The following SH3TC1 variants were observed in gnomAD, a reference collection of about 807,000 sequenced individuals.
SH3TC1 encodes the protein SH3 domain and tetratricopeptide repeats 1, also known as SH3 domain and tetratricopeptide repeat-containing protein 1.
A neutral mutation model predicts 117.3 loss-of-function variants in SH3TC1; 135 were observed. The ratio of observed to expected loss-of-function variants is 1.15; its 90% CI spans 1.00 to 1.33. SH3TC1 has a LOEUF of 1.33. Among genes scored for constraint, SH3TC1 ranks in the 40% most tolerant of loss-of-function variants. The pLI, the probability that SH3TC1 is intolerant of heterozygous loss-of-function variation, is 0.00. For synonymous variants in SH3TC1, 898 were observed against 816.9 expected, an observed-to-expected ratio of 1.10 and a Z score of -1.69; for missense variants, 2,092 against 1,794.3, an observed-to-expected ratio of 1.17 and a Z score of -3.00.
intron 15 of SH3TC1, 29 bp downstream of exon 15, chr4:8,235,584 G>T: frequency 6.5e-7 from 1 of 1,545,848 alleles, no homozygotes; most frequent in South Asian, 1.2e-5. Flanking sequence ...TGATGTGGGT[G>T]GGCCCCAGGG....
chr4:8,197,645 C>T (rs71603915), upstream of SH3TC1, among the ~76,000 whole-genome samples: 4,347 of 152,242 alleles, frequency 0.029, 219 homozygotes, highest in African/African-American at 0.099. Flanking sequence ...CTGGCCAGGC[C>T]GGGCCGGGGA....
At chr4:8,224,483 T>C (rs1249091248) in intron 10 of SH3TC1, 1 of 152,352 alleles carries the variant, frequency 6.6e-6, no homozygotes, top group Non-Finnish European at 1.5e-5. Context: ...GTGGGGGTGT[T>C]GCAGGATGCA....
intron 1 of SH3TC1, among the ~76,000 whole-genome samples, chr4:8,182,870 G>A (rs1051876736): frequency 3.3e-5 from 5 of 152,166 alleles, no homozygotes; most frequent in South Asian, 2.1e-4. Flanking sequence ...CTGCATCTCC[G>A]AAGCCTCAGT....
Position 8,205,966 on chromosome 4 carries a change from G to C in SH3TC1, c.172+600G>C, listed in dbSNP as rs1350929423. On this transcript the variant is annotated intron_variant, in intron 2 of 17. Coordinates refer to ENST00000245105, the MANE Select transcript of SH3TC1 (RefSeq NM_018986.5). The surrounding 1 kb of genome is among the most constrained non-coding windows in gnomAD (Gnocchi z 5.4). ...CCCCTCCCGGCAGGAGACAGCTGCG[G>C]TTGTGACCCGTCCCTGGGCCTCGTC... 2.4e-6 allele frequency: 1 copy of C among 421,852 alleles called. No individual in the cohort carries two copies. The highest frequency in any genetic ancestry group is 4.3e-6 in the Non-Finnish European group (1 of 234,138). 26.1% of individuals were successfully genotyped at this position (421,852 alleles called of 1,614,324 possible).
Position 8,183,712 on chromosome 4 carries a change from C to T in SH3TC1, c.-57+1502C>T, listed in dbSNP as rs891998910. On this transcript the variant is annotated intron_variant, in intron 1 of 16. Coordinates refer to the SH3TC1 transcript ENST00000508641. This position sits in a 1 kb window ranked among gnomAD's most constrained non-coding sequence, Gnocchi z 5.4. ...ACCCAGCGGCCTCTATGATTAGCATCTCACCTTGGTATGGTACATTTGTCA... is the reference window on the plus strand; with the variant it reads ...ACCCAGCGGCCTCTATGATTAGCATTTCACCTTGGTATGGTACATTTGTCA... Among the ~76,000 whole-genome samples, 8 of 152,210 alleles carry T rather than the reference C, an allele frequency of 5.3e-5. No homozygotes were observed. The highest frequency in any genetic ancestry group is 1.9e-4 in the African/African-American group (8 of 41,452).
At chr4:8,235,332 C>A in intron 14 of SH3TC1, 101 bp from the exon 15 acceptor site, 1 of 1,344,402 alleles carries the variant, frequency 7.4e-7, no homozygotes, top group Admixed American at 2.8e-5. Flanking sequence ...GTTGCACCTG[C>A]AGTGTGTGAG....
intron 1 of SH3TC1, among the ~76,000 whole-genome samples, chr4:8,193,841 G>A (rs1717483952): frequency 6.6e-6 from 1 of 152,230 alleles, no homozygotes; most frequent in African/African-American, 2.4e-5. Context: ...ACCCCTGCTG[G>A]TATGGGGGCA....
Position 8,241,097 on chromosome 4 carries a change from G to A in SH3TC1, c.*142G>A. On this transcript the variant is annotated 3_prime_UTR_variant, in exon 18 of 18. Coordinates refer to ENST00000245105, the MANE Select transcript of SH3TC1 (RefSeq NM_018986.5). Reference sequence around the variant, plus strand: ...AATAAATGGGTTTTGTTTTTTTTTTGCAATAACTTATTGAAGTCAGCAGGG... The same window carrying A: ...AATAAATGGGTTTTGTTTTTTTTTTACAATAACTTATTGAAGTCAGCAGGG... The A allele has an allele frequency of 3.4e-6, 4 of 1,160,062 alleles. No individual in the cohort carries two copies. Among genetic ancestry groups the A allele is most frequent in the Non-Finnish European group, 4.7e-6 (4 of 846,714 alleles). 71.9% of individuals were successfully genotyped at this position (1,160,062 alleles called of 1,614,324 possible).
At chr4:8,231,950 C>T (rs548391187) in intron 12 of SH3TC1, 26 bp from the exon 13 acceptor site, 14 of 1,606,632 alleles carry the variant, frequency 8.7e-6, no homozygotes, top group East Asian at 6.7e-5. Context: ...GGGAGGCTGA[C>T]GTCTTCCTTT....
At position 8,228,166 on chromosome 4, in the gene SH3TC1, C is replaced by T. The variant is rs529238778; in HGVS notation, c.2472C>T (p.Ile824=). ...EASAIAGVRA[I]VDHLVALAWL... ...GTGCTATTGCCGGAGTCCGTGCCATCGTGGACCACCTGGTGGCCCTGGCCT... is the reference window on the plus strand; with the variant it reads ...GTGCTATTGCCGGAGTCCGTGCCATTGTGGACCACCTGGTGGCCCTGGCCT... The change falls in exon 12 of 18, where the codon ATC becomes ATT. Residue 824 remains isoleucine (I), a synonymous_variant. Transcript: ENST00000245105. 11 of 1,611,806 alleles carry T rather than the reference C, an allele frequency of 6.8e-6. No homozygotes were observed. In the East Asian group the frequency reaches 1.6e-4, roughly 23 times the overall value.
chr4:8,227,261 C>T lies in SH3TC1; in HGVS notation c.1567C>T (p.Leu523=), dbSNP rs780192713. ...ASFRGLYDVA[L]PWLSSVFRSF... ...CTTCCGTGGCCTGTACGATGTGGCG[C>T]TGCCGTGGCTGAGCAGCGTGTTCCG... Residue 523 remains leucine, a synonymous_variant, in exon 12 of 18, where the codon CTG becomes TTG. Coordinates refer to ENST00000245105, the MANE Select transcript of SH3TC1 (RefSeq NM_018986.5). 6.3e-7 allele frequency: 1 copy of T among 1,599,636 alleles called. No homozygotes were observed. Among genetic ancestry groups the T allele is most frequent in the Non-Finnish European group, 8.5e-7 (1 of 1,173,338 alleles).
rs1399195826 is a variant in SH3TC1, at chr4:8,225,238, G to A, written c.1285+22G>A. 3.7e-6 allele frequency: 6 copies of A among 1,610,102 alleles called. No individual in the cohort carries two copies. The highest frequency in any genetic ancestry group is 1.3e-5 in the African/African-American group (1 of 74,846). On this transcript the variant is annotated intron_variant, in intron 11 of 17. Coordinates refer to ENST00000245105, the MANE Select transcript of SH3TC1 (RefSeq NM_018986.5). This position sits in a 1 kb window ranked among gnomAD's most constrained non-coding sequence, Gnocchi z 5.5. ...AAAGGTGGGTTTTGCCAGTGGCTCA[G>A]GCTTCCTCTGGTTATGAGCTGGGCC...
intron 15 of SH3TC1, 76 bp downstream of exon 15, chr4:8,235,631 G>C (rs868094453): frequency 2.0e-6 from 3 of 1,468,504 alleles, no homozygotes; most frequent in Middle Eastern, 2.1e-4. Flanking sequence ...GTGTGGCAGG[G>C]CAGAGCCCTC....
upstream of SH3TC1, among the ~76,000 whole-genome samples, chr4:8,194,733 G>A (rs1314727691): frequency 3.3e-5 from 5 of 152,204 alleles, no homozygotes; most frequent in Non-Finnish European, 7.3e-5. Flanking sequence ...AAGGGACAGA[G>A]GACGGTCGTT....
chr4:8,232,683 T>C, intron 13 of SH3TC1: 3 of 1,290,868 alleles, frequency 2.3e-6, no homozygotes, highest in Non-Finnish European at 3.0e-6. Flanking sequence ...GGGGTAACCA[T>C]GGCCCTGGCC....
intron 1 of SH3TC1, among the ~76,000 whole-genome samples, chr4:8,200,170 C>T (rs559679351): frequency 2.0e-4 from 30 of 152,324 alleles, no homozygotes; most frequent in Non-Finnish European, 3.8e-4. Flanking sequence ...TTAGCGGTGT[C>T]GGCCAGTGCC....
intron 8 of SH3TC1, among the ~76,000 whole-genome samples, chr4:8,218,630 C>T (rs1045294485): frequency 3.3e-5 from 5 of 152,196 alleles, no homozygotes; most frequent in Non-Finnish European, 7.3e-5. Context: ...CCAGGGCCCC[C>T]GGCCACTGTC....
upstream of SH3TC1, among the ~76,000 whole-genome samples, chr4:8,196,677 C>T (rs1717565472): frequency 6.6e-6 from 1 of 152,108 alleles, no homozygotes; most frequent in Non-Finnish European, 1.5e-5. The surrounding 1 kb of genome is among the most constrained non-coding windows in gnomAD (Gnocchi z 4.6). Context: ...CAGAGGCCTC[C>T]AGCTGGTGGG....
intron 1 of SH3TC1, among the ~76,000 whole-genome samples, chr4:8,202,069 G>A (rs1346235350): frequency 2.0e-5 from 3 of 152,182 alleles, no homozygotes; most frequent in African/African-American, 7.2e-5. Flanking sequence ...TTGTTGAGAC[G>A]CCTCCATGTG....
Sources: gnomAD v4.1 joint callset for allele counts (sites outside exome capture counted in the v4.1 genomes callset) on GRCh38, gnomAD v4.1.1 for gene constraint, Gnocchi (gnomAD v3.1) non-coding constraint, MANE v1.5 for transcripts, NCBI Gene and HGNC (gene_info 2026-07-23, HGNC 2026-07-21) for gene names.